Variants in DNAH11 observed in about 807,000 individuals in gnomAD.
The protein encoded by DNAH11 is axonemal beta dynein heavy chain 11.
Under a neutral mutation model 526.0 loss-of-function variants are expected in DNAH11, and 442 were observed. That is an observed-to-expected ratio of 0.84 (90% CI 0.78 to 0.91). The LOEUF is 0.91. Among genes scored for constraint, DNAH11 ranks in the 40% least tolerant of loss-of-function variants. The probability of loss-of-function intolerance (pLI) is 0.00; values close to 1 mark genes in which losing one functional copy is unlikely to be tolerated. For missense variants in DNAH11, 6,989 were observed against 5,448.7 expected, an observed-to-expected ratio of 1.28 and a Z score of -8.90; for synonymous variants, 2,461 against 1,935.9, an observed-to-expected ratio of 1.27 and a Z score of -7.12.
chr7:21,558,546 G>A (rs935713277), intron 2 of DNAH11, among the ~76,000 whole-genome samples: 2 of 152,344 alleles, frequency 1.3e-5, no homozygotes, highest in Middle Eastern at 3.4e-3. Flanking sequence ...CAGTGTTTGA[G>A]TTATTGGGAA....
intron 80 of DNAH11, 37 bp from the exon 81 acceptor site, chr7:21,899,943 A>T (rs1160961589): frequency 6.2e-7 from 1 of 1,606,074 alleles, no homozygotes; most frequent in African/African-American, 1.3e-5. Flanking sequence ...TACATGCAAC[A>T]CTTTTATCCT....
intron 26 of DNAH11, among the ~76,000 whole-genome samples, chr7:21,636,358 G>T (rs1786864619): frequency 6.6e-6 from 1 of 152,052 alleles, no homozygotes; most frequent in Non-Finnish European, 1.5e-5. Context: ...TGCCAATAAA[G>T]CTTTACTTGT....
intron 61 of DNAH11, among the ~76,000 whole-genome samples, chr7:21,789,673 C>T (rs1043649156): frequency 3.3e-5 from 5 of 152,168 alleles, no homozygotes; most frequent in East Asian, 1.9e-4. Context: ...CCACTGTTTA[C>T]TGTTGCATCC....
chr7:21,658,154 A>AT (rs1010196743), intron 29 of DNAH11, among the ~76,000 whole-genome samples: 67 of 151,332 alleles, frequency 4.4e-4, no homozygotes, highest in African/African-American at 1.1e-3. Context: ...CTAAGCTTCA[A>AT]TTTTTTAAAA....
Position 21,779,043 on chromosome 7 carries a change from TC to T in DNAH11, c.9423del (p.Ile3141MetfsTer8). The T allele has an allele frequency of 6.2e-7, 1 of 1,613,476 alleles. No homozygotes were observed. The highest frequency in any genetic ancestry group is 8.5e-7 in the Non-Finnish European group (1 of 1,179,608). On this transcript the variant is annotated frameshift_variant, in exon 57 of 82. Transcript: ENST00000409508. LOFTEE classifies it high-confidence loss of function. ...GATGCCGAAGCTCTGATCACAAAGA[TC>T]GGCCTTCAGACGGAGAAAGTGAGCC... The part of the protein sequence containing the change: ...NHDAEALITK[I>X]GLQTEKVSRE...
At chr7:21,592,169 C>T (rs761428121) in intron 14 of DNAH11, among the ~76,000 whole-genome samples, 8 of 152,176 alleles carry the variant, frequency 5.3e-5, no homozygotes, top group Non-Finnish European at 7.3e-5. Context: ...GGAGCTTACA[C>T]TCTAGTCAGA....
intron 65 of DNAH11, among the ~76,000 whole-genome samples, chr7:21,820,283 A>G (rs942528983): frequency 6.6e-6 from 1 of 152,240 alleles, no homozygotes; most frequent in Non-Finnish European, 1.5e-5. Context: ...CTACACTTCC[A>G]TAAGTAAAGA....
chr7:21,694,093 C>T (rs978763931), intron 35 of DNAH11, among the ~76,000 whole-genome samples: 8 of 152,188 alleles, frequency 5.3e-5, no homozygotes, highest in African/African-American at 1.7e-4. Flanking sequence ...GTCCCTCCCC[C>T]AACATTGAAC....
chr7:21,834,508 A>G (rs898339596), intron 65 of DNAH11, among the ~76,000 whole-genome samples: 3 of 152,180 alleles, frequency 2.0e-5, no homozygotes, highest in Non-Finnish European at 4.4e-5. Context: ...AACAAAATAG[A>G]GAATAAAAGA....
intron 54 of DNAH11, among the ~76,000 whole-genome samples, chr7:21,759,751 G>A (rs1282843888): frequency 6.6e-6 from 1 of 152,182 alleles, no homozygotes; most frequent in Non-Finnish European, 1.5e-5. Context: ...ACTGAGCCCT[G>A]TTAGTAATAT....
intron 63 of DNAH11, among the ~76,000 whole-genome samples, chr7:21,814,354 T>A (rs981292555): frequency 2.0e-5 from 3 of 151,312 alleles, no homozygotes; most frequent in Non-Finnish European, 4.4e-5. Context: ...TATTTATTTT[T>A]TTTTTATTTT....
chr7:21,655,707 G>T lies in DNAH11; in HGVS notation c.4945-125G>T, dbSNP rs928433678. On this transcript the variant is annotated intron_variant, in intron 28 of 81. Coordinates refer to ENST00000409508, the MANE Select transcript of DNAH11 (RefSeq NM_001277115.2). ...TTTTAGAAGTGACTTTTATTTTGAG[G>T]GAAAACATTTTGAGACAACTCTAAC... The T allele has an allele frequency of 2.3e-5, 23 of 987,760 alleles. No homozygotes were observed. In the African/African-American group the frequency reaches 3.8e-4, roughly 16 times the overall value. The allele number at this position is 987,760 out of a possible 1,614,324, so 61.2% of individuals were successfully genotyped here.
chr7:21,621,599 C>G (rs996711699), intron 25 of DNAH11, among the ~76,000 whole-genome samples: 2 of 152,052 alleles, frequency 1.3e-5, no homozygotes, highest in Non-Finnish European at 2.9e-5. Flanking sequence ...CTGAATCCAG[C>G]AGCACATCAA....
At chr7:21,665,554 C>G (rs905810571) in intron 30 of DNAH11, among the ~76,000 whole-genome samples, 2 of 151,910 alleles carry the variant, frequency 1.3e-5, no homozygotes, top group East Asian at 1.9e-4. Context: ...TTTTTTTGTT[C>G]TCATTCTTAT....
chr7:21,558,784 A>G lies in DNAH11; in HGVS notation c.496-18A>G, dbSNP rs768449088. On this transcript the variant is annotated intron_variant, in intron 2 of 81. Coordinates refer to ENST00000409508, the MANE Select transcript of DNAH11 (RefSeq NM_001277115.2). ...GCATTGTCTGTAAATTAATTTAACT[A>G]TGTTTCTCTTTCTCTAGATTTTAGT... 9.7e-6 allele frequency: 15 copies of G among 1,544,772 alleles called. No individual in the cohort carries two copies. In the Admixed American group the frequency reaches 1.1e-4, roughly 11 times the overall value.
intron 54 of DNAH11, among the ~76,000 whole-genome samples, chr7:21,762,176 A>C (rs151254990): frequency 6.6e-6 from 1 of 152,162 alleles, no homozygotes; most frequent in Non-Finnish European, 1.5e-5. Context: ...TGGGGATTTC[A>C]ACTCGAGATG....
chr7:21,697,809 C>T (rs374145919), intron 35 of DNAH11, among the ~76,000 whole-genome samples: 34 of 152,192 alleles, frequency 2.2e-4, no homozygotes, highest in African/African-American at 8.0e-4. Flanking sequence ...TTACACCAGA[C>T]GTTTACAGAA....
rs78241933 is a variant in DNAH11 at position 21,557,240 on chromosome 7, A to T, written c.496-1562A>T. 3.9e-3 allele frequency among the ~76,000 whole-genome samples: 593 copies of T among 152,208 alleles called. 4 individuals are homozygous for T. Among genetic ancestry groups the T allele is most frequent in the African/African-American group, 0.013 (522 of 41,530 alleles). ...CTGGCTCTATTTCCAGGATGGTCAA[A>T]CTGGCAGTTTCCTACAAGCACCATA... On this transcript the variant is annotated intron_variant, in intron 2 of 81. Transcript: ENST00000409508.
At chr7:21,877,927 A>G (rs1054716832) in intron 74 of DNAH11, among the ~76,000 whole-genome samples, 3 of 150,032 alleles carry the variant, frequency 2.0e-5, no homozygotes, top group Middle Eastern at 3.5e-3. Context: ...GTAGTAAAGG[A>G]GTACTCTTTT....
Sources: allele counts gnomAD v4.1 joint callset (sites outside exome capture counted in the v4.1 genomes callset), GRCh38; gene constraint gnomAD v4.1.1; transcripts MANE v1.5; gene names NCBI Gene and HGNC (gene_info 2026-07-23, HGNC 2026-07-21).